BAHCC1: variants seen among roughly 807,000 people sequenced by gnomAD.
BAHCC1 encodes the protein BAH and coiled-coil domain-containing protein 1.
Under a neutral mutation model 88.2 loss-of-function variants are expected in BAHCC1, and 43 were observed. The observed-to-expected ratio is 0.49, with a 90% CI of 0.38 to 0.63. The LOEUF (loss-of-function observed/expected upper bound fraction) is 0.63. Among genes scored for constraint, BAHCC1 ranks in the 20% least tolerant of loss-of-function variants. The pLI, the probability that BAHCC1 is intolerant of heterozygous loss-of-function variation, is 0.00. For synonymous variants in BAHCC1, 1,510 were observed against 745.5 expected (o/e 2.03, Z -16.71); for missense variants, 3,023 against 1,654.8 (o/e 1.83, Z -14.34).
rs143882370 is a variant in BAHCC1 at position 81,444,086 on chromosome 17, G to A, written c.2324+169G>A. On this transcript the variant is annotated intron_variant, in intron 6 of 27. Transcript: ENST00000675386. ...CTAGAGCCTTTCTGGAGTCTCACCC[G>A]GGGTTGGGGGTCTCAGTTAACCCCT... The A allele has an allele frequency of 5.8e-3, 3,535 of 607,962 alleles. 69 individuals carry two copies. Among genetic ancestry groups the A allele is most frequent in the East Asian group, 0.047 (1,730 of 36,520 alleles). The allele number at this position is 607,962 out of a possible 1,614,324, so 37.7% of individuals were successfully genotyped here.
In BAHCC1 at chr17:81,461,783, G is replaced by A. The variant is rs782256549; in HGVS notation, c.7120G>A (p.Glu2374Lys). 1.4e-5 allele frequency: 10 copies of A among 716,080 alleles called. No homozygotes were observed. The highest frequency in any genetic ancestry group is 7.4e-5 in the South Asian group (5 of 67,320). The allele number at this position is 716,080 out of a possible 1,614,324, so 44.4% of individuals were successfully genotyped here. A position where few individuals can be genotyped will look rare whatever the true frequency, so the allele number is the denominator to read the frequency against. Reference protein sequence around the residue: ...HPVPTLLAQPEALRSKGSGPH... With the variant: ...HPVPTLLAQPKALRSKGSGPH... ...CGTGCCCACCCTCCTGGCCCAGCCC[G>A]AGGCCCTGCGCTCCAAGGGCAGCGG... Residue 2374 changes from glutamate to lysine, a missense_variant, in exon 26 of 28, where the codon GAG (glutamate) becomes AAG (lysine). Glu to Lys is a moderately conservative substitution (Grantham distance 56, BLOSUM62 1). Transcript: ENST00000675386.
chr17:81,401,379 C>G (rs1475394269), intron 2 of BAHCC1: 4 of 152,812 alleles, frequency 2.6e-5, no homozygotes, highest in African/African-American at 9.6e-5. Context: ...GTTGCCCTTC[C>G]TTCTTTTTCT....
Position 81,455,405 on chromosome 17 carries a change from G to A in BAHCC1, c.4569+15G>A, listed in dbSNP as rs559071619. On this transcript the variant is annotated intron_variant, in intron 15 of 27. Transcript: ENST00000675386. The stretch of plus-strand genomic sequence containing the variant: ...CTGCCTCCGTGGTGAGTGCCGAGGC[G>A]CCCGCCTTGCCCCAGGGCCCTTCAG... The A allele has an allele frequency of 5.3e-5, 38 of 714,192 alleles. No individual in the cohort carries two copies. Among genetic ancestry groups the A allele is most frequent in the Middle Eastern group, 2.3e-4 (1 of 4,362 alleles). 44.2% of individuals were successfully genotyped at this position (714,192 alleles called of 1,614,324 possible).
At chr17:81,445,791 G>A in intron 10 of BAHCC1, 110 bp downstream of exon 10, 1 of 636,612 alleles carries the variant, frequency 1.6e-6, no homozygotes, top group Non-Finnish European at 2.9e-6. Flanking sequence ...CGCCACACCT[G>A]CCCAGACCCA....
At chr17:81,452,199 C>G (rs1218337388) in intron 13 of BAHCC1, 92 bp downstream of exon 13, 1 of 538,576 alleles carries the variant, frequency 1.9e-6, no homozygotes, top group Non-Finnish European at 3.2e-6. Flanking sequence ...TGGGAACAGG[C>G]CAGGATTGGG....
intron 2 of BAHCC1, among the ~76,000 whole-genome samples, chr17:81,414,907 C>T (rs1255396400): frequency 6.6e-6 from 1 of 152,190 alleles, no homozygotes; most frequent in Non-Finnish European, 1.5e-5. Context: ...GTCTCCGTCT[C>T]CCACCCCGGC....
At chr17:81,460,186 T>TC in intron 23 of BAHCC1, 91 bp from the exon 24 acceptor site, 1 of 652,954 alleles carries the variant, frequency 1.5e-6, no homozygotes, top group Non-Finnish European at 2.9e-6. Flanking sequence ...AGCCCTCCCC[T>TC]CACCCTCCCC....
intron 2 of BAHCC1, among the ~76,000 whole-genome samples, chr17:81,408,210 G>C (rs62072956): frequency 3.9e-5 from 6 of 152,042 alleles, no homozygotes; most frequent in Admixed American, 3.9e-4. Flanking sequence ...ATTCCAGTGC[G>C]TGGCGAATGC....
rs782660693 is a variant in BAHCC1 at position 81,442,987 on chromosome 17, C to G, written c.1638C>G (p.His546Gln). ...CACAGAAGGTGGCCCGCATCAGGCACCAGCAGCACTTGATGGCCGCCGAGG... is the reference window on the plus strand; with the variant it reads ...CACAGAAGGTGGCCCGCATCAGGCAGCAGCAGCACTTGATGGCCGCCGAGG... ...PGAQKVARIR[H>Q]QQHLMAAEVE... Residue 546 changes from histidine (H) to glutamine (Q), a missense_variant, in exon 5 of 28, where the codon CAC (histidine) becomes CAG (glutamine). Coordinates refer to ENST00000675386, the MANE Select transcript of BAHCC1 (RefSeq NM_001377448.1). 1 of 778,900 alleles carries G rather than the reference C, an allele frequency of 1.3e-6. No individual in the cohort carries two copies. The highest frequency in any genetic ancestry group is 1.7e-5 in the Admixed American group (1 of 58,996). The allele number at this position is 778,900 out of a possible 1,614,324, so 48.2% of individuals were successfully genotyped here. A position where few individuals can be genotyped will look rare whatever the true frequency, so the allele number is the denominator to read the frequency against.
intron 2 of BAHCC1, among the ~76,000 whole-genome samples, chr17:81,407,185 T>G (rs2063891457): frequency 6.6e-6 from 1 of 152,190 alleles, no homozygotes; most frequent in Admixed American, 6.5e-5. Flanking sequence ...GACATGGTTT[T>G]CCAGTGGAAA....
Position 81,460,266 on chromosome 17 carries a change from G to C in BAHCC1, c.5906-11G>C. On this transcript the variant is annotated splice_polypyrimidine_tract_variant and intron_variant, in intron 23 of 27. Coordinates refer to ENST00000675386, the MANE Select transcript of BAHCC1 (RefSeq NM_001377448.1). ...GGGTTCCAGCTGCAAGCTCAGGTGT[G>C]CCGTCCACAGGGGCCTCCGGTGACG... 1 of 757,360 alleles carries C rather than the reference G, an allele frequency of 1.3e-6. No homozygotes were observed. The highest frequency in any genetic ancestry group is 2.3e-4 in the Middle Eastern group (1 of 4,272). 46.9% of individuals were successfully genotyped at this position (757,360 alleles called of 1,614,324 possible). A position where few individuals can be genotyped will look rare whatever the true frequency, so the allele number is the denominator to read the frequency against.
intron 2 of BAHCC1, among the ~76,000 whole-genome samples, chr17:81,419,513 C>G (rs1203869429): frequency 6.6e-6 from 1 of 152,254 alleles, no homozygotes; most frequent in Non-Finnish European, 1.5e-5. Flanking sequence ...CCGCCCATCA[C>G]TCCGTTCCCA....
chr17:81,432,424 G>C (rs1319856845), intron 3 of BAHCC1, among the ~76,000 whole-genome samples: 1 of 152,066 alleles, frequency 6.6e-6, no homozygotes, highest in Non-Finnish European at 1.5e-5. Flanking sequence ...CTGATGTCCA[G>C]GGTGCCGGCG....
At position 81,465,867 on chromosome 17, in the gene BAHCC1, G is replaced by A. The variant is rs533119508; in HGVS notation, c.*2050G>A. The stretch of plus-strand genomic sequence containing the variant: ...ATGAGTGCAATATTTCATTCCCGGT[G>A]GTTGTCTGGGGAGGTGGTTGGACGA... On this transcript the variant is annotated 3_prime_UTR_variant, in exon 28 of 28. Coordinates refer to ENST00000675386, the MANE Select transcript of BAHCC1 (RefSeq NM_001377448.1). The A allele has an allele frequency of 2.2e-4, 33 of 152,706 alleles. No individual in the cohort carries two copies. Among genetic ancestry groups the A allele is most frequent in the African/African-American group, 7.0e-4 (29 of 41,582 alleles). 9.5% of individuals were successfully genotyped at this position (152,706 alleles called of 1,614,324 possible). A position where few individuals can be genotyped will look rare whatever the true frequency, so the allele number is the denominator to read the frequency against.
At chr17:81,444,337 T>G (rs1230779698) in intron 6 of BAHCC1, 44 bp from the exon 7 acceptor site, 8 of 706,416 alleles carry the variant, frequency 1.1e-5, no homozygotes, top group Non-Finnish European at 2.1e-5. Flanking sequence ...GATGGGGAGC[T>G]GGGCCTTGGC....
At chr17:81,408,961 C>T (rs902792274) in intron 2 of BAHCC1, among the ~76,000 whole-genome samples, 18 of 152,266 alleles carry the variant, frequency 1.2e-4, no homozygotes, top group African/African-American at 1.9e-4. Context: ...TCAGGTGACG[C>T]GCACAGGCAC....
chr17:81,395,956 A>C (rs1409402734), intron 1 of BAHCC1: 1 of 152,162 alleles, frequency 6.6e-6, no homozygotes, highest in East Asian at 1.9e-4. Flanking sequence ...AAAAACAAAT[A>C]CTCGAAGACA....
intron 11 of BAHCC1, among the ~76,000 whole-genome samples, chr17:81,448,374 G>A (rs985070866): frequency 6.6e-6 from 1 of 152,164 alleles, no homozygotes; most frequent in Admixed American, 6.5e-5. Context: ...CCACCCAGGG[G>A]CCCCAAGGAC....
In BAHCC1 at chr17:81,464,236, A is replaced by G. The variant is rs568439342; in HGVS notation, c.*419A>G. The G allele has an allele frequency of 7.7e-6, 2 of 259,262 alleles. No individual in the cohort carries two copies. Among genetic ancestry groups the G allele is most frequent in the African/African-American group, 4.4e-5 (2 of 45,672 alleles). 16.1% of individuals were successfully genotyped at this position (259,262 alleles called of 1,614,324 possible). A position where few individuals can be genotyped will look rare whatever the true frequency, so the allele number is the denominator to read the frequency against. ...TATTGTATTTCTGCGGGGAAATTTTATGGTAAAAAGTGGAAAAGGGTTTTT... is the reference window on the plus strand; with the variant it reads ...TATTGTATTTCTGCGGGGAAATTTTGTGGTAAAAAGTGGAAAAGGGTTTTT... On this transcript the variant is annotated 3_prime_UTR_variant, in exon 28 of 28. Transcript: ENST00000675386.
Sources: gnomAD v4.1 joint callset for allele counts (sites outside exome capture counted in the v4.1 genomes callset) on GRCh38, gnomAD v4.1.1 for gene constraint, MANE v1.5 for transcripts, NCBI Gene and HGNC (gene_info 2026-07-23, HGNC 2026-07-21) for gene names.